UNC13C: variants seen among roughly 807,000 people sequenced by gnomAD.
The protein encoded by UNC13C is unc-13 homolog C, also known as protein unc-13 homolog C.
Under a neutral mutation model 245.4 loss-of-function variants are expected in UNC13C, and 174 were observed. That is an observed-to-expected ratio of 0.71 (90% CI 0.63 to 0.80). The LOEUF is 0.80. Among genes scored for constraint, UNC13C ranks in the 30% least tolerant of loss-of-function variants. The pLI is 0.00. For missense variants in UNC13C, 2,829 were observed against 2,602.9 expected, an observed-to-expected ratio of 1.09 and a Z score of -1.89; for synonymous variants, 992 against 895.1, an observed-to-expected ratio of 1.11 and a Z score of -1.93.
At chr15:54,100,526 T>C (rs1000706565) in intron 2 of UNC13C, among the ~76,000 whole-genome samples, 19 of 152,214 alleles carry the variant, frequency 1.2e-4, no homozygotes, top group African/African-American at 4.6e-4. Context: ...CCATTTACAC[T>C]CTCTATGTGA....
At chr15:54,557,460 C>A (rs983041781) in intron 29 of UNC13C, among the ~76,000 whole-genome samples, 2 of 151,860 alleles carry the variant, frequency 1.3e-5, no homozygotes, top group African/African-American at 4.8e-5. Context: ...AGATTTGCAC[C>A]AACTTACTGT....
At chr15:54,273,232 C>A (rs1352116635) in intron 10 of UNC13C, among the ~76,000 whole-genome samples, 1 of 152,120 alleles carries the variant, frequency 6.6e-6, no homozygotes, top group East Asian at 1.9e-4. Flanking sequence ...AACAAATTGT[C>A]CCAAGGGCAG....
chr15:53,968,972 T>G, the UNC13C span, among the ~76,000 whole-genome samples: 985 of 152,316 alleles, frequency 6.5e-3, 11 homozygotes, highest in African/African-American at 0.023. Context: ...TTTTTGAATT[T>G]TATCACGCTC....
intron 18 of UNC13C, among the ~76,000 whole-genome samples, chr15:54,404,403 A>T (rs1398240377): frequency 6.6e-6 from 1 of 152,198 alleles, no homozygotes; most frequent in East Asian, 1.9e-4. Flanking sequence ...GTTGTGTCTC[A>T]TAAGATTCAA....
At chr15:54,369,966 A>G (rs999002871) in intron 17 of UNC13C, among the ~76,000 whole-genome samples, 20 of 152,100 alleles carry the variant, frequency 1.3e-4, no homozygotes, top group Admixed American at 1.3e-3. Flanking sequence ...TTGTGTTTTT[A>G]AGGGTGGCGA....
intron 13 of UNC13C, among the ~76,000 whole-genome samples, chr15:54,310,549 T>C (rs1054250736): frequency 1.3e-5 from 2 of 151,770 alleles, no homozygotes; most frequent in African/African-American, 2.4e-5. Flanking sequence ...AGGCATAGCA[T>C]GTTAGAGCAT....
rs1305759108 is a variant in UNC13C, at chr15:54,627,142, T to C, written c.*29T>C. ...AAACACTGCAAGCTAAATACATAAC[T>C]ATAATTGTTTGACTACTGCATGCAT... On this transcript the variant is annotated 3_prime_UTR_variant, in exon 33 of 33. Coordinates refer to ENST00000260323, the MANE Select transcript of UNC13C (RefSeq NM_001080534.3). 18 of 1,575,816 alleles carry C rather than the reference T, an allele frequency of 1.1e-5. No individual in the cohort carries two copies. The highest frequency in any genetic ancestry group is 1.5e-5 in the Non-Finnish European group (18 of 1,161,406).
At chr15:53,958,067 T>C in the UNC13C span, among the ~76,000 whole-genome samples, 3 of 152,140 alleles carry the variant, frequency 2.0e-5, no homozygotes, top group African/African-American at 4.8e-5. Flanking sequence ...AATCAAACAG[T>C]AACTTGTTTC....
chr15:54,487,744 G>T (rs1338796311), intron 19 of UNC13C, among the ~76,000 whole-genome samples: 1 of 135,672 alleles, frequency 7.4e-6, no homozygotes, highest in Non-Finnish European at 1.5e-5. Flanking sequence ...TCCAGCCTGG[G>T]CAACAGAGCA....
the UNC13C span, among the ~76,000 whole-genome samples, chr15:53,902,070 G>A: frequency 1.3e-5 from 2 of 148,490 alleles, no homozygotes; most frequent in Non-Finnish European, 3.0e-5. Context: ...TTAAGATCAT[G>A]TTCTCTCAGG....
chr15:53,962,387 G>A, the UNC13C span, among the ~76,000 whole-genome samples: 1 of 151,646 alleles, frequency 6.6e-6, no homozygotes, highest in Non-Finnish European at 1.5e-5. Flanking sequence ...TGATATTTGA[G>A]TAAATATTTT....
intron 2 of UNC13C, among the ~76,000 whole-genome samples, chr15:54,017,571 T>A (rs1895717763): frequency 6.6e-6 from 1 of 152,120 alleles, no homozygotes; most frequent in African/African-American, 2.4e-5. Context: ...AGTTGGTTAA[T>A]GTAGTTGCTT....
chr15:54,297,905 T>G lies in UNC13C; in HGVS notation c.4083T>G (p.Ile1361Met). ...AAGAGAAGGTTGCTCCATATCATAT[T>G]CAATATACATGTTTACATGAGGTAA... ...KGEEKVAPYH[I>M]QYTCLHENLF... The change falls in exon 12 of 33, where the codon ATT (isoleucine) becomes ATG (methionine). Residue 1361 changes from isoleucine to methionine, a missense_variant. Ile to Met is a conservative substitution (Grantham distance 10, BLOSUM62 1). Transcript: ENST00000260323. 1.3e-6 allele frequency: 2 copies of G among 1,596,746 alleles called. No homozygotes were observed. The highest frequency in any genetic ancestry group is 1.7e-6 in the Non-Finnish European group (2 of 1,168,820).
chr15:54,405,333 C>A (rs988084462), intron 18 of UNC13C, among the ~76,000 whole-genome samples: 10 of 152,118 alleles, frequency 6.6e-5, no homozygotes, highest in African/African-American at 2.4e-4. Flanking sequence ...TATTATACTG[C>A]TATGTATTAT....
At chr15:54,152,809 T>A (rs1053694414) in intron 4 of UNC13C, among the ~76,000 whole-genome samples, 1 of 152,098 alleles carries the variant, frequency 6.6e-6, no homozygotes, top group Non-Finnish European at 1.5e-5. Flanking sequence ...CAAGCTGTAA[T>A]TGATAATGGC....
At chr15:54,446,600 T>A (rs1282175434) in intron 19 of UNC13C, among the ~76,000 whole-genome samples, 2 of 151,878 alleles carry the variant, frequency 1.3e-5, no homozygotes, top group East Asian at 1.9e-4. Context: ...CTGCCTGTTA[T>A]TGGTGTATAA....
At chr15:54,329,081 GTTT>G (rs36002521) in intron 14 of UNC13C, among the ~76,000 whole-genome samples, 43,780 of 121,596 alleles carry the variant, frequency 0.36, 6,959 homozygotes, top group African/African-American at 0.51. Flanking sequence ...ATTAAACCAA[GTTT>G]TTTTTTTTTT....
intron 19 of UNC13C, among the ~76,000 whole-genome samples, chr15:54,442,514 C>T (rs756551583): frequency 1.2e-4 from 19 of 152,002 alleles, no homozygotes; most frequent in South Asian, 2.1e-4. Flanking sequence ...TGAGTCACCA[C>T]GCTCAGCCCC....
intron 13 of UNC13C, among the ~76,000 whole-genome samples, chr15:54,310,110 G>A (rs2037830708): frequency 6.6e-6 from 1 of 150,908 alleles, no homozygotes. Flanking sequence ...TTTTGAAGAT[G>A]TACTCTCTGG....
Sources: gnomAD v4.1 joint callset for allele counts (sites outside exome capture counted in the v4.1 genomes callset) on GRCh38, gnomAD v4.1.1 for gene constraint, MANE v1.5 for transcripts, NCBI Gene and HGNC (gene_info 2026-07-23, HGNC 2026-07-21) for gene names.